The following HEATR4 variants were observed in gnomAD, a reference collection of about 807,000 sequenced individuals.
HEATR4 encodes HEAT repeat-containing protein 4.
In HEATR4, 95 loss-of-function variants were observed where a neutral mutation model predicts 108.8. The ratio of observed to expected loss-of-function variants is 0.87; its 90% CI spans 0.74 to 1.04. The LOEUF (loss-of-function observed/expected upper bound fraction) is 1.04, where lower values mean the gene tolerates loss of function less well. HEATR4 is among the 50% of genes least tolerant of loss of function. The pLI is 0.00. For missense variants in HEATR4, 1,152 were observed against 1,253.8 expected, an observed-to-expected ratio of 0.92 and a Z score of 1.23; for synonymous variants, 443 against 459.4, an observed-to-expected ratio of 0.96 and a Z score of 0.46.
In HEATR4 at chr14:73,508,214, G is replaced by A. The variant is rs1186803511; in HGVS notation, c.1801C>T (p.Leu601Phe). The change falls in exon 9 of 18, where the codon CTC (leucine) becomes TTC (phenylalanine). Residue 601 changes from leucine (L) to phenylalanine (F), a missense_variant. By Grantham distance (22) the Leu-to-Phe change is conservative. Transcript: ENST00000553558. ...TATYPVIKRILHQLFTKKNED... is the reference protein window; with the variant it reads ...TATYPVIKRIFHQLFTKKNED... ...TTCTTCTTTGTAAACAGCTGGTGGAGGATCCTCTTAATCACAGGGTAAGTA... is the reference window on the plus strand; with the variant it reads ...TTCTTCTTTGTAAACAGCTGGTGGAAGATCCTCTTAATCACAGGGTAAGTA... The A allele has an allele frequency of 9.3e-6, 15 of 1,613,932 alleles. No homozygotes were observed. The highest frequency in any genetic ancestry group is 1.3e-5 in the Non-Finnish European group (15 of 1,179,814).
chr14:73,491,544 G>A, intron 17 of HEATR4: 1 of 1,533,790 alleles, frequency 6.5e-7, no homozygotes, highest in Non-Finnish European at 8.7e-7. Flanking sequence ...GATAACACGG[G>A]TGGGGAGCCG....
chr14:73,523,787 C>T (rs780122404), intron 2 of HEATR4, among the ~76,000 whole-genome samples: 14 of 152,180 alleles, frequency 9.2e-5, no homozygotes, highest in Non-Finnish European at 1.9e-4. Context: ...ATAACTCTTT[C>T]TTGACCTATC....
chr14:73,525,156 A>T (rs545719061), intron 2 of HEATR4, among the ~76,000 whole-genome samples: 1 of 152,234 alleles, frequency 6.6e-6, no homozygotes, highest in South Asian at 2.1e-4. Context: ...CAGCCTCCCA[A>T]GTAGCTGGGA....
Position 73,521,067 on chromosome 14 carries a change from AG to A in HEATR4, c.882-29del, listed in dbSNP as rs759016520. On this transcript the variant is annotated intron_variant, in intron 3 of 17. Coordinates refer to ENST00000553558, the MANE Select transcript of HEATR4 (RefSeq NM_001220484.1). ...TGGCAGGGGTGAGAAAGGAGGGAAA[AG>A]GGGGAAAGAGTAGGAGGTGGATCCC... 11 of 1,591,918 alleles carry A rather than the reference AG, an allele frequency of 6.9e-6. No individual in the cohort carries two copies. In the East Asian group the frequency reaches 2.0e-4, roughly 29 times the overall value.
intron 10 of HEATR4, among the ~76,000 whole-genome samples, chr14:73,505,850 CTG>C (rs1277217468): frequency 6.8e-6 from 1 of 147,818 alleles, no homozygotes; most frequent in Non-Finnish European, 1.5e-5. Context: ...CTGATAAAGT[CTG>C]TTGATATTGA....
chr14:73,609,409 T>C, the HEATR4 span, among the ~76,000 whole-genome samples: 1 of 152,088 alleles, frequency 6.6e-6, no homozygotes. Context: ...ACAAGAAACA[T>C]CATTGGGCCA....
chr14:73,569,255 T>G, the HEATR4 span: 6 of 1,613,662 alleles, frequency 3.7e-6, no homozygotes, highest in East Asian at 2.2e-5. Context: ...CTAACAAGCT[T>G]CTTTCTCCCC....
chr14:73,612,974 C>G, the HEATR4 span: 1 of 1,146,616 alleles, frequency 8.7e-7, no homozygotes, highest in African/African-American at 1.6e-5. Flanking sequence ...GCCGGGGGTG[C>G]GGCGCGAGCC....
At chr14:73,565,097 A>G in the HEATR4 span, among the ~76,000 whole-genome samples, 2 of 152,138 alleles carry the variant, frequency 1.3e-5, no homozygotes, top group Admixed American at 1.3e-4. Flanking sequence ...TTTTTTCTCT[A>G]TTAAAATGAT....
intron 17 of HEATR4, among the ~76,000 whole-genome samples, chr14:73,485,383 A>G (rs1037544665): frequency 1.8e-4 from 27 of 150,298 alleles, no homozygotes; most frequent in African/African-American, 6.7e-4. Context: ...ATGTGTAAAT[A>G]TCTTTGTACA....
At chr14:73,619,007 G>C in the HEATR4 span, among the ~76,000 whole-genome samples, 1 of 152,126 alleles carries the variant, frequency 6.6e-6, no homozygotes, top group Non-Finnish European at 1.5e-5. Context: ...GTGGGCGCCT[G>C]TAATCCCAGC....
At chr14:73,592,409 GC>G in the HEATR4 span, 9 of 1,524,662 alleles carry the variant, frequency 5.9e-6, no homozygotes, top group African/African-American at 1.1e-4. Flanking sequence ...CGCTCTTCCT[GC>G]CGCCAGGTGA....
the HEATR4 span, among the ~76,000 whole-genome samples, chr14:73,597,735 A>G: frequency 1.3e-5 from 2 of 151,494 alleles, no homozygotes; most frequent in South Asian, 4.2e-4. Flanking sequence ...CTGGGACTAC[A>G]GGTACCTGCC....
chr14:73,485,020 T>C (rs1423065162), intron 17 of HEATR4, among the ~76,000 whole-genome samples: 6 of 151,914 alleles, frequency 3.9e-5, no homozygotes, highest in African/African-American at 1.5e-4. Flanking sequence ...AAAAATTGGC[T>C]GGGCATGGTG....
the HEATR4 span, among the ~76,000 whole-genome samples, chr14:73,623,082 A>AT: frequency 1.3e-5 from 2 of 150,508 alleles, no homozygotes; most frequent in Non-Finnish European, 3.0e-5. Flanking sequence ...CTAATTTTGT[A>AT]TTTTTTTTAG....
chr14:73,579,573 CAAAAAAAAAA>C, the HEATR4 span, among the ~76,000 whole-genome samples: 1 of 56,210 alleles, frequency 1.8e-5, no homozygotes, highest in Non-Finnish European at 3.2e-5. Flanking sequence ...AAAGCCGTCT[CAAAAAAAAAA>C]AAAAAAAAAA....
Position 73,522,760 on chromosome 14 carries a change from G to T in HEATR4, c.393C>A (p.Asp131Glu), listed in dbSNP as rs140447974. 1 of 1,614,206 alleles carries T rather than the reference G, an allele frequency of 6.2e-7. No individual in the cohort carries two copies. The highest frequency in any genetic ancestry group is 2.2e-5 in the East Asian group (1 of 44,884). The stretch of plus-strand genomic sequence containing the variant: ...TTTCTGTCTTCACAGCCAGGGAGGT[G>T]TCTCCTGTTAAGGGACTTGAGGAAC... ...FLGSSSPLTGDTSLAVKTESS... is the reference protein window; with the variant it reads ...FLGSSSPLTGETSLAVKTESS... The change falls in exon 3 of 18, where the codon GAC becomes GAA. Residue 131 changes from aspartate (D) to glutamate (E), a missense_variant. Asp to Glu is a conservative substitution (Grantham distance 45). Transcript: ENST00000553558.
the HEATR4 span, among the ~76,000 whole-genome samples, chr14:73,574,672 GAGA>G: frequency 6.6e-6 from 1 of 152,022 alleles, no homozygotes; most frequent in South Asian, 2.1e-4. Context: ...TTAAGGAACT[GAGA>G]AACCAGAGAA....
the HEATR4 span, among the ~76,000 whole-genome samples, chr14:73,604,535 G>A: frequency 6.6e-6 from 1 of 151,782 alleles, no homozygotes; most frequent in African/African-American, 2.4e-5. Flanking sequence ...GCCCAGGCTG[G>A]AGTGCAATGG....
Sources: gnomAD v4.1 joint callset for allele counts (sites outside exome capture counted in the v4.1 genomes callset) on GRCh38, gnomAD v4.1.1 for gene constraint, MANE v1.5 for transcripts, NCBI Gene and HGNC (gene_info 2026-07-23, HGNC 2026-07-21) for gene names.